The following PPP3CA variants were observed in gnomAD, a reference collection of about 807,000 sequenced individuals.
PPP3CA encodes protein phosphatase 3 catalytic subunit alpha.
A neutral mutation model predicts 66.5 loss-of-function variants in PPP3CA; 14 were observed. The ratio of observed to expected loss-of-function variants is 0.21; its 90% CI spans 0.14 to 0.33. The LOEUF (loss-of-function observed/expected upper bound fraction) is 0.33. Among genes scored for constraint, PPP3CA ranks in the 10% least tolerant of loss-of-function variants. The probability of loss-of-function intolerance (pLI) is 1.00; values close to 1 mark genes in which losing one functional copy is unlikely to be tolerated. For missense variants in PPP3CA, 317 were observed against 639.5 expected, an observed-to-expected ratio of 0.50 and a Z score of 5.44; for synonymous variants, 232 against 226.2, an observed-to-expected ratio of 1.03 and a Z score of -0.23.
intron 3 of PPP3CA, among the ~76,000 whole-genome samples, chr4:101,107,306 A>G (rs1319598552): frequency 6.6e-6 from 1 of 152,218 alleles, no homozygotes; most frequent in Non-Finnish European, 1.5e-5. Flanking sequence ...CCTCTGGATA[A>G]TCACATATTC....
chr4:101,075,960 G>T (rs931834544), intron 8 of PPP3CA, among the ~76,000 whole-genome samples: 3 of 152,086 alleles, frequency 2.0e-5, no homozygotes, highest in Admixed American at 6.5e-5. Context: ...CATGGAGCTT[G>T]GTATATAGTA....
intron 2 of PPP3CA, among the ~76,000 whole-genome samples, chr4:101,146,818 T>C (rs1722985625): frequency 6.6e-6 from 1 of 152,176 alleles, no homozygotes; most frequent in Admixed American, 6.5e-5. Context: ...ATATCCCTTA[T>C]CCAAAATGCT....
intron 2 of PPP3CA, among the ~76,000 whole-genome samples, chr4:101,173,564 T>C (rs772426988): frequency 2.0e-5 from 3 of 152,178 alleles, no homozygotes; most frequent in African/African-American, 4.8e-5. Context: ...AGGATTTATA[T>C]AGCTAGAGAC....
At chr4:101,106,453 G>GAAAGAAAGAAGAGAAGAGAAA (rs775018059) in intron 3 of PPP3CA, among the ~76,000 whole-genome samples, 3 of 35,518 alleles carry the variant, frequency 8.4e-5, no homozygotes, top group East Asian at 7.6e-4. Flanking sequence ...AAGAAAGAAA[G>GAAAGAAAGAAGAGAAGAGAAA]AGAAAAGAAA....
intron 2 of PPP3CA, among the ~76,000 whole-genome samples, chr4:101,154,001 T>A (rs1431391213): frequency 6.6e-6 from 1 of 151,916 alleles, no homozygotes; most frequent in Non-Finnish European, 1.5e-5. Context: ...ATAAAGCCCA[T>A]GGCCACTTTT....
chr4:101,106,372 GAAAA>G (rs1730676701), intron 3 of PPP3CA, among the ~76,000 whole-genome samples: 1 of 48,922 alleles, frequency 2.0e-5, no homozygotes, highest in Admixed American at 2.7e-4. Context: ...TTAAAAGAGA[GAAAA>G]GAAAGAAAGA....
At chr4:101,055,509 C>T (rs1051094288) in intron 10 of PPP3CA, among the ~76,000 whole-genome samples, 1 of 152,122 alleles carries the variant, frequency 6.6e-6, no homozygotes, top group Admixed American at 6.6e-5. Context: ...TGCTTCCAAA[C>T]TTTACAAGAT....
intron 2 of PPP3CA, among the ~76,000 whole-genome samples, chr4:101,167,250 T>G (rs1723721523): frequency 6.6e-6 from 1 of 152,176 alleles, no homozygotes; most frequent in Non-Finnish European, 1.5e-5. Context: ...AGGCTCTTGG[T>G]TAAGGCACCT....
At chr4:101,220,023 A>C (rs1036940559) in intron 1 of PPP3CA, among the ~76,000 whole-genome samples, 2 of 151,856 alleles carry the variant, frequency 1.3e-5, no homozygotes, top group African/African-American at 2.4e-5. Flanking sequence ...CTTGCACGCC[A>C]TGTCATCATT....
At chr4:101,069,022 A>T (rs1728799200) in intron 8 of PPP3CA, among the ~76,000 whole-genome samples, 1 of 152,090 alleles carries the variant, frequency 6.6e-6, no homozygotes, top group Non-Finnish European at 1.5e-5. Flanking sequence ...TTTTCAGTAA[A>T]TGACTAAATT....
At chr4:101,050,608 T>C (rs1444965358) in intron 10 of PPP3CA, among the ~76,000 whole-genome samples, 1 of 152,164 alleles carries the variant, frequency 6.6e-6, no homozygotes, top group Admixed American at 6.6e-5. Flanking sequence ...AGAATAATTC[T>C]AAGGAACAAA....
intron 5 of PPP3CA, among the ~76,000 whole-genome samples, chr4:101,097,145 C>T (rs1730231609): frequency 6.6e-6 from 1 of 152,100 alleles, no homozygotes; most frequent in African/African-American, 2.4e-5. Flanking sequence ...GTCTACCTAT[C>T]ATACATTAGG....
At position 101,347,152 on chromosome 4, in the gene PPP3CA, C is replaced by G; in HGVS notation, c.-356G>C. The G allele has an allele frequency of 2.4e-6, 1 of 417,834 alleles. No individual in the cohort carries two copies. Among genetic ancestry groups the G allele is most frequent in the South Asian group, 2.2e-5 (1 of 45,820 alleles). 25.9% of individuals were successfully genotyped at this position (417,834 alleles called of 1,614,324 possible). On this transcript the variant is annotated 5_prime_UTR_variant, in exon 1 of 14. Coordinates refer to ENST00000394854, the MANE Select transcript of PPP3CA (RefSeq NM_000944.5). ...GAGAAGCGCACACACGAGCACCCAC[C>G]CCGGCACGGAGACCCAGCACCGCGG...
At chr4:101,315,175 C>G (rs1360064060) in intron 1 of PPP3CA, among the ~76,000 whole-genome samples, 1 of 152,172 alleles carries the variant, frequency 6.6e-6, no homozygotes, top group Non-Finnish European at 1.5e-5. Context: ...CTTGTTTACT[C>G]CTTCCACCAT....
At chr4:101,161,002 G>A (rs900599801) in intron 2 of PPP3CA, among the ~76,000 whole-genome samples, 6 of 152,080 alleles carry the variant, frequency 3.9e-5, no homozygotes. Flanking sequence ...CCAAGGACAT[G>A]CTGCCTACAT....
intron 2 of PPP3CA, among the ~76,000 whole-genome samples, chr4:101,187,690 G>T (rs890703861): frequency 6.6e-6 from 1 of 151,998 alleles, no homozygotes; most frequent in East Asian, 1.9e-4. Flanking sequence ...TCTCTTATTC[G>T]CCAAATGGTA....
intron 1 of PPP3CA, among the ~76,000 whole-genome samples, chr4:101,213,206 T>C (rs2110206875): frequency 6.6e-6 from 1 of 151,856 alleles, no homozygotes; most frequent in East Asian, 1.9e-4. Flanking sequence ...ACTATACTTG[T>C]TCATCAGTTT....
chr4:101,070,588 G>A (rs1301266251), intron 8 of PPP3CA, among the ~76,000 whole-genome samples: 1 of 152,070 alleles, frequency 6.6e-6, no homozygotes, highest in Non-Finnish European at 1.5e-5. Context: ...GTATAAAGAT[G>A]AAATAATCCA....
chr4:101,073,926 C>T (rs988742906), intron 8 of PPP3CA, among the ~76,000 whole-genome samples: 2 of 152,150 alleles, frequency 1.3e-5, no homozygotes, highest in African/African-American at 4.8e-5. Flanking sequence ...TGATCTGGGG[C>T]AAACAAGTGC....
Sources: gnomAD v4.1 joint callset for allele counts (sites outside exome capture counted in the v4.1 genomes callset) on GRCh38, gnomAD v4.1.1 for gene constraint, MANE v1.5 for transcripts, NCBI Gene and HGNC (gene_info 2026-07-23, HGNC 2026-07-21) for gene names.